The following SUSD4 variants were observed in gnomAD, a reference collection of about 807,000 sequenced individuals.
SUSD4 encodes sushi domain containing 4.
Under a neutral mutation model 50.5 loss-of-function variants are expected in SUSD4, and 41 were observed. The ratio of observed to expected loss-of-function variants is 0.81; its 90% CI spans 0.63 to 1.05. The LOEUF (loss-of-function observed/expected upper bound fraction) is 1.05, where lower values mean the gene tolerates loss of function less well. SUSD4 is among the 50% of genes least tolerant of loss of function. SUSD4 has a pLI of 0.00. For missense variants in SUSD4, 580 were observed against 634.7 expected, an observed-to-expected ratio of 0.91 and a Z score of 0.93; for synonymous variants, 257 against 257.3, an observed-to-expected ratio of 1.00 and a Z score of 0.01.
rs537849597 is a variant in SUSD4, at chr1:223,355,484, G to A, written c.148+7794C>T. On this transcript the variant is annotated intron_variant, in intron 2 of 8. Coordinates refer to ENST00000366878, the MANE Select transcript of SUSD4 (RefSeq NM_017982.4). ...TCCAACCACCTTCGCCTCCCAAAGTGCTGAGGTTACAGATGTCAGCCACCG... is the reference window on the plus strand; with the variant it reads ...TCCAACCACCTTCGCCTCCCAAAGTACTGAGGTTACAGATGTCAGCCACCG... Among the ~76,000 whole-genome samples, 7 of 152,222 alleles carry A rather than the reference G, an allele frequency of 4.6e-5. No individual in the cohort carries two copies. In the South Asian group the frequency reaches 1.2e-3, roughly 27 times the overall value.
chr1:223,260,446 G>A (rs549328713), intron 5 of SUSD4, among the ~76,000 whole-genome samples: 2 of 152,300 alleles, frequency 1.3e-5, no homozygotes, highest in Admixed American at 1.3e-4. Context: ...CATTCAATGT[G>A]TGCGTGTGTG....
At chr1:223,236,212 T>C (rs921907149) in intron 5 of SUSD4, among the ~76,000 whole-genome samples, 1 of 152,238 alleles carries the variant, frequency 6.6e-6, no homozygotes, top group Non-Finnish European at 1.5e-5. Context: ...GTTCTTGTTG[T>C]AGACTTTTAA....
chr1:223,268,633 T>TATA lies in SUSD4; in HGVS notation c.403_404insTAT (p.Lys135delinsIleTer). The TATA allele has an allele frequency of 1.2e-6, 2 of 1,613,826 alleles. No individual in the cohort carries two copies. The highest frequency in any genetic ancestry group is 1.7e-6 in the Non-Finnish European group (2 of 1,179,916). On this transcript the variant is annotated stop_gained and protein_altering_variant, in exon 4 of 9. Coordinates refer to ENST00000366878, the MANE Select transcript of SUSD4 (RefSeq NM_017982.4). LOFTEE classifies it high-confidence loss of function. ...TAGCTTCTCTCCATGTCTATATGTC[T>TATA]TGTTATGAATCTCAGCATCTTCGAT...
At chr1:223,364,866 A>G (rs1669231405), upstream of SUSD4, among the ~76,000 whole-genome samples, 1 of 152,088 alleles carries the variant, frequency 6.6e-6, no homozygotes, top group Non-Finnish European at 1.5e-5. The surrounding 1 kb of genome is among the most constrained non-coding windows in gnomAD (Gnocchi z 4.5). Context: ...TCTCCGCCGA[A>G]GCTCTGCGCG....
At chr1:223,252,629 T>C (rs933696932) in intron 5 of SUSD4, among the ~76,000 whole-genome samples, 4 of 152,200 alleles carry the variant, frequency 2.6e-5, no homozygotes, top group Non-Finnish European at 5.9e-5. Context: ...ACTTATAGTA[T>C]GAAAATACAG....
chr1:223,365,101 G>GT (rs1340974193), upstream of SUSD4, among the ~76,000 whole-genome samples: 1 of 152,134 alleles, frequency 6.6e-6, no homozygotes, highest in Non-Finnish European at 1.5e-5. Flanking sequence ...TTGGGTACCT[G>GT]GAGGAGGGGA....
chr1:223,252,236 A>AT (rs1553285715), intron 5 of SUSD4, among the ~76,000 whole-genome samples: 3,135 of 89,380 alleles, frequency 0.035, 48 homozygotes, highest in African/African-American at 0.046. Flanking sequence ...AAAAAAAAAA[A>AT]ATATATATAT....
chr1:223,236,020 A>G (rs1438340888), intron 5 of SUSD4, among the ~76,000 whole-genome samples: 1 of 152,184 alleles, frequency 6.6e-6, no homozygotes, highest in Non-Finnish European at 1.5e-5. Flanking sequence ...CCTCTTCAGC[A>G]TTTCGGTTTG....
At chr1:223,298,001 A>G (rs1416892613) in intron 2 of SUSD4, among the ~76,000 whole-genome samples, 1 of 151,244 alleles carries the variant, frequency 6.6e-6, no homozygotes, top group Non-Finnish European at 1.5e-5. Context: ...TGAATGGATA[A>G]ATGGGTAGAT....
intron 3 of SUSD4, among the ~76,000 whole-genome samples, chr1:223,281,568 A>T (rs1330271865): frequency 1.3e-5 from 2 of 152,198 alleles, no homozygotes; most frequent in African/African-American, 4.8e-5. Flanking sequence ...TAGACCAATA[A>T]CAGGCTCTGA....
intron 5 of SUSD4, among the ~76,000 whole-genome samples, chr1:223,243,202 G>A (rs956793186): frequency 9.2e-5 from 14 of 152,146 alleles, no homozygotes; most frequent in South Asian, 2.1e-4. Context: ...CCTTCTCAGG[G>A]AGACAGAAGC....
At chr1:223,242,185 C>T (rs1011282253) in intron 5 of SUSD4, among the ~76,000 whole-genome samples, 3 of 152,150 alleles carry the variant, frequency 2.0e-5, no homozygotes, top group Non-Finnish European at 2.9e-5. Flanking sequence ...TCAAGAGATC[C>T]ACCCACCTTG....
chr1:223,223,487 G>T lies in SUSD4; in HGVS notation c.1206C>A (p.Cys402Ter). The change falls in exon 8 of 9, where the codon TGC becomes TGA. Residue 402 changes from cysteine to a stop codon, truncating the protein, a stop_gained. Coordinates refer to ENST00000366878, the MANE Select transcript of SUSD4 (RefSeq NM_017982.4). LOFTEE classifies it high-confidence loss of function. ...GGCTCTGGTCGTCCACGGGTAAGGG[G>T]CAGCCCTGGCCCACAGAGGCCATGT... ...PGYMASVGQGCPLPVDDQSPP... is the reference protein window; with the variant it reads ...PGYMASVGQG 1 of 1,613,622 alleles carries T rather than the reference G, an allele frequency of 6.2e-7. No individual in the cohort carries two copies. The highest frequency in any genetic ancestry group is 8.5e-7 in the Non-Finnish European group (1 of 1,179,864).
At chr1:223,247,154 T>A (rs1054540609) in intron 5 of SUSD4, among the ~76,000 whole-genome samples, 11 of 152,202 alleles carry the variant, frequency 7.2e-5, no homozygotes, top group African/African-American at 2.4e-4. Flanking sequence ...CATTCACATC[T>A]ACCCCACACA....
Position 223,222,124 on chromosome 1 carries a change from G to T in SUSD4, c.*68C>A. 6.4e-7 allele frequency: 1 copy of T among 1,553,294 alleles called. No individual in the cohort carries two copies. The highest frequency in any genetic ancestry group is 8.8e-7 in the Non-Finnish European group (1 of 1,136,460). ...TTGCCCCCAGGCTCTATCCTTCTGT[G>T]ACCTCACTCCAAGATACAAGGTCCT... On this transcript the variant is annotated 3_prime_UTR_variant, in exon 9 of 9. Coordinates refer to ENST00000366878, the MANE Select transcript of SUSD4 (RefSeq NM_017982.4).
intron 2 of SUSD4, among the ~76,000 whole-genome samples, chr1:223,314,456 T>A (rs776300813): frequency 6.6e-6 from 1 of 152,066 alleles, no homozygotes; most frequent in Non-Finnish European, 1.5e-5. Context: ...CCACACAGAC[T>A]GGGGGAGACA....
intron 2 of SUSD4, among the ~76,000 whole-genome samples, chr1:223,350,431 C>T (rs1668294645): frequency 6.6e-6 from 1 of 152,220 alleles, no homozygotes; most frequent in Admixed American, 6.5e-5. Context: ...GGACCCTCAT[C>T]ACTGTCAGTG....
intron 5 of SUSD4, among the ~76,000 whole-genome samples, chr1:223,253,605 T>G (rs568564134): frequency 6.6e-6 from 1 of 152,100 alleles, no homozygotes; most frequent in Admixed American, 6.5e-5. Context: ...CTGCCGAATA[T>G]TGCCGAGTGA....
intron 5 of SUSD4, among the ~76,000 whole-genome samples, chr1:223,255,841 G>T (rs975698712): frequency 4.6e-5 from 7 of 152,210 alleles, no homozygotes; most frequent in East Asian, 1.9e-4. Context: ...GGATAAGCCT[G>T]CAGGGAGCTT....
Sources: allele counts gnomAD v4.1 joint callset (sites outside exome capture counted in the v4.1 genomes callset), GRCh38; gene constraint gnomAD v4.1.1; non-coding constraint Gnocchi (gnomAD v3.1); transcripts MANE v1.5; gene names NCBI Gene and HGNC (gene_info 2026-07-23, HGNC 2026-07-21).